Variants in OR3A2 observed in about 807,000 individuals in gnomAD.
OR3A2 encodes the protein olfactory receptor family 3 subfamily A member 2.
For missense variants in OR3A2, 318 were observed against 392.8 expected, an observed-to-expected ratio of 0.81 and a Z score of 1.61; for synonymous variants, 126 against 159.3, an observed-to-expected ratio of 0.79 and a Z score of 1.57.
intron 2 of OR3A2, among the ~76,000 whole-genome samples, chr17:3,371,190 C>T (rs1046614886): frequency 1.1e-4 from 17 of 151,670 alleles, no homozygotes; most frequent in Admixed American, 6.5e-4. Context: ...CCAGTAGGGG[C>T]GGCCGGGCAG....
intron 3 of OR3A2, among the ~76,000 whole-genome samples, chr17:3,326,141 T>G (rs1384631729): frequency 6.6e-6 from 1 of 152,176 alleles, no homozygotes; most frequent in African/African-American, 2.4e-5. Context: ...TATGGCTGCA[T>G]AGTATATCAT....
At chr17:3,289,818 C>T (rs1309517194) in intron 3 of OR3A2, among the ~76,000 whole-genome samples, 1 of 152,006 alleles carries the variant, frequency 6.6e-6, no homozygotes, top group Non-Finnish European at 1.5e-5. Context: ...TCTTCTTGAC[C>T]CTGGAAGAAG....
chr17:3,346,086 A>C lies in OR3A2; in HGVS notation c.-178-9960T>G, dbSNP rs190883215. 3.3e-5 allele frequency among the ~76,000 whole-genome samples: 5 copies of C among 152,320 alleles called. No homozygotes were observed. The East Asian group carries it at 9.6e-4, about 29-fold the overall frequency. On this transcript the variant is annotated intron_variant, in intron 2 of 4. Transcript: ENST00000573491. ...AAAGCTAGACAAAATATTTTAAAAT[A>C]TATTTTTGAAGGCACCACAGAGCTA...
intron 3 of OR3A2, among the ~76,000 whole-genome samples, chr17:3,308,157 T>A (rs1483790517): frequency 6.6e-6 from 1 of 152,176 alleles, no homozygotes; most frequent in African/African-American, 2.4e-5. Flanking sequence ...TTTGAGGTCA[T>A]TATGTCTTTG....
rs575642152 is a variant in OR3A2, at chr17:3,311,665, G to C, written c.-85+24368C>G. Reference sequence around the variant, plus strand: ...AGTGTCCTATGCCCACGTCACAGCTGCAATATTACAAATCCGCTCAGCTGA... The same window carrying C: ...AGTGTCCTATGCCCACGTCACAGCTCCAATATTACAAATCCGCTCAGCTGA... On this transcript the variant is annotated intron_variant, in intron 3 of 4. Coordinates refer to the OR3A2 transcript ENST00000573491. The surrounding 1 kb of genome is among the most constrained non-coding windows in gnomAD (Gnocchi z 4.6). 3.5e-6 allele frequency: 1 copy of C among 286,568 alleles called. No individual in the cohort carries two copies. Among genetic ancestry groups the C allele is most frequent in the African/African-American group, 2.2e-5 (1 of 46,082 alleles). The allele number at this position is 286,568 out of a possible 1,614,324, so 17.8% of individuals were successfully genotyped here.
At chr17:3,294,163 C>A (rs1455732557) in intron 3 of OR3A2, among the ~76,000 whole-genome samples, 1 of 150,862 alleles carries the variant, frequency 6.6e-6, no homozygotes, top group African/African-American at 2.4e-5. Flanking sequence ...ACATTTCGGC[C>A]TCTCTAAAAA....
intron 3 of OR3A2, among the ~76,000 whole-genome samples, chr17:3,334,190 A>T (rs2150644017): frequency 6.6e-6 from 1 of 152,310 alleles, no homozygotes; most frequent in East Asian, 1.9e-4. Context: ...TGTGGAAGAC[A>T]GTATGGCGAT....
chr17:3,315,863 C>T (rs893437817), intron 3 of OR3A2, among the ~76,000 whole-genome samples: 23 of 151,728 alleles, frequency 1.5e-4, no homozygotes, highest in African/African-American at 5.6e-4. Context: ...AGTGAGTTGT[C>T]CCATCTATCC....
At chr17:3,341,027 CTTT>C (rs1412555459) in intron 2 of OR3A2, among the ~76,000 whole-genome samples, 1 of 152,110 alleles carries the variant, frequency 6.6e-6, no homozygotes, top group African/African-American at 2.4e-5. Context: ...TAATGGCCTT[CTTT>C]GTCTCTTTTG....
intron 3 of OR3A2, among the ~76,000 whole-genome samples, chr17:3,317,770 G>A (rs2049090047): frequency 6.6e-6 from 1 of 152,058 alleles, no homozygotes; most frequent in African/African-American, 2.4e-5. Flanking sequence ...CCTATTTCGA[G>A]AGTTGTGCCC....
intron 3 of OR3A2, among the ~76,000 whole-genome samples, chr17:3,323,044 T>G (rs551990476): frequency 2.6e-5 from 4 of 152,008 alleles, no homozygotes; most frequent in African/African-American, 9.7e-5. Context: ...CTTTATGAAT[T>G]TGGGTGCTCC....
chr17:3,342,505 T>C (rs1278131715), intron 2 of OR3A2, among the ~76,000 whole-genome samples: 1 of 152,254 alleles, frequency 6.6e-6, no homozygotes, highest in Non-Finnish European at 1.5e-5. Flanking sequence ...TTGTTAGTTT[T>C]CCTTCTGTCA....
At chr17:3,296,953 G>A (rs890324073) in intron 3 of OR3A2, among the ~76,000 whole-genome samples, 11 of 152,182 alleles carry the variant, frequency 7.2e-5, no homozygotes, top group African/African-American at 1.2e-4. Context: ...TTTATGGAAG[G>A]GGCATAACAT....
At chr17:3,321,780 G>C (rs1330351679) in intron 3 of OR3A2, among the ~76,000 whole-genome samples, 1 of 152,110 alleles carries the variant, frequency 6.6e-6, no homozygotes, top group Admixed American at 6.5e-5. Context: ...GATTTGGTTT[G>C]CCAGTATTTT....
chr17:3,386,001 C>T (rs1048054823), intron 1 of OR3A2, 124 bp downstream of exon 1: 1 of 398,660 alleles, frequency 2.5e-6, no homozygotes, highest in East Asian at 3.6e-5. Context: ...CAGACGCCCA[C>T]CCGCTGCTGT....
chr17:3,302,071 C>T (rs1321274423), intron 3 of OR3A2, among the ~76,000 whole-genome samples: 1 of 152,070 alleles, frequency 6.6e-6, no homozygotes, highest in Non-Finnish European at 1.5e-5. Context: ...GAACTACAAA[C>T]CACTGCTCAA....
intron 3 of OR3A2, among the ~76,000 whole-genome samples, chr17:3,323,692 C>G (rs577425399): frequency 2.1e-4 from 32 of 152,232 alleles, no homozygotes; most frequent in African/African-American, 6.7e-4. Context: ...TGCCCCCACT[C>G]TCTTCTGGCT....
intron 2 of OR3A2, among the ~76,000 whole-genome samples, chr17:3,363,661 C>T (rs1246419091): frequency 6.6e-6 from 1 of 152,062 alleles, no homozygotes; most frequent in Non-Finnish European, 1.5e-5. Context: ...TATAGCAATG[C>T]CCACTTCCCT....
intron 3 of OR3A2, among the ~76,000 whole-genome samples, chr17:3,301,995 T>C (rs1417268412): frequency 6.6e-6 from 1 of 152,108 alleles, no homozygotes; most frequent in Admixed American, 6.6e-5. Flanking sequence ...CATTCACAAC[T>C]GCTTCAAAGA....
Sources: allele counts gnomAD v4.1 joint callset (sites outside exome capture counted in the v4.1 genomes callset), GRCh38; gene constraint gnomAD v4.1.1; non-coding constraint Gnocchi (gnomAD v3.1); transcripts MANE v1.5; gene names NCBI Gene and HGNC (gene_info 2026-07-23, HGNC 2026-07-21).